SPOCK3: variants seen among roughly 807,000 people sequenced by gnomAD.
The protein encoded by SPOCK3 is SPARC (osteonectin), cwcv and kazal like domains proteoglycan 3.
A neutral mutation model predicts 56.6 loss-of-function variants in SPOCK3; 30 were observed. The ratio of observed to expected loss-of-function variants is 0.53; its 90% CI spans 0.40 to 0.72. The LOEUF is 0.72. Ranked by LOEUF, SPOCK3 falls within the 30% of genes least tolerant of loss-of-function variation. The pLI, the probability that SPOCK3 is intolerant of heterozygous loss-of-function variation, is 0.00. For synonymous variants in SPOCK3, 196 were observed against 183.3 expected (o/e 1.07, Z -0.56); for missense variants, 527 against 530.0 (o/e 0.99, Z 0.06).
At chr4:166,766,350 G>A (rs553392695) in intron 7 of SPOCK3, among the ~76,000 whole-genome samples, 1 of 152,132 alleles carries the variant, frequency 6.6e-6, no homozygotes, top group Non-Finnish European at 1.5e-5. Flanking sequence ...TTAATATTTT[G>A]AGATACATCC....
intron 3 of SPOCK3, among the ~76,000 whole-genome samples, chr4:167,018,592 T>C (rs770919886): frequency 6.6e-6 from 1 of 152,122 alleles, no homozygotes; most frequent in Non-Finnish European, 1.5e-5. Context: ...CATGCTACTT[T>C]TGTTTCTTTG....
intron 4 of SPOCK3, among the ~76,000 whole-genome samples, chr4:166,936,100 T>C (rs114570717): frequency 0.01 from 1,533 of 152,256 alleles, 31 homozygotes; most frequent in African/African-American, 0.035. Context: ...ATAAGTTTTA[T>C]TTCTTTTATT....
chr4:166,978,445 A>C (rs999311934), intron 4 of SPOCK3, among the ~76,000 whole-genome samples: 4 of 152,172 alleles, frequency 2.6e-5, no homozygotes, highest in African/African-American at 9.6e-5. Flanking sequence ...TGTTTGAACA[A>C]AATTTTAAGG....
chr4:167,116,705 C>T (rs1438818093), intron 2 of SPOCK3, among the ~76,000 whole-genome samples: 7 of 98,056 alleles, frequency 7.1e-5, no homozygotes, highest in African/African-American at 1.3e-4. Context: ...AGTATATATA[C>T]GTATATAGTA....
chr4:166,980,428 C>T (rs946569960), intron 4 of SPOCK3, among the ~76,000 whole-genome samples: 5 of 152,230 alleles, frequency 3.3e-5, no homozygotes, highest in Admixed American at 2.6e-4. Flanking sequence ...TTGGGTGTCA[C>T]TTTTCCAGCA....
intron 2 of SPOCK3, among the ~76,000 whole-genome samples, chr4:167,176,658 T>C (rs930603573): frequency 6.6e-6 from 1 of 152,060 alleles, no homozygotes; most frequent in African/African-American, 2.4e-5. Flanking sequence ...TCCCATTCAG[T>C]CTAGTCTACT....
intron 3 of SPOCK3, among the ~76,000 whole-genome samples, chr4:167,056,296 C>T (rs1197844431): frequency 2.0e-5 from 3 of 152,304 alleles, no homozygotes; most frequent in African/African-American, 2.4e-5. Context: ...ACATCACCAT[C>T]ATCAAAGACC....
At chr4:167,225,995 A>C (rs996142733) in intron 2 of SPOCK3, among the ~76,000 whole-genome samples, 3 of 152,160 alleles carry the variant, frequency 2.0e-5, no homozygotes, top group Admixed American at 6.6e-5. Flanking sequence ...ATCGGAGGAA[A>C]TACACCAGTA....
intron 4 of SPOCK3, among the ~76,000 whole-genome samples, chr4:166,946,341 T>C (rs1741744889): frequency 6.6e-6 from 1 of 152,162 alleles, no homozygotes; most frequent in Non-Finnish European, 1.5e-5. Flanking sequence ...TACAATGTCT[T>C]ACATAATCAG....
chr4:167,132,314 A>G (rs890384880), intron 2 of SPOCK3, among the ~76,000 whole-genome samples: 15 of 152,202 alleles, frequency 9.9e-5, no homozygotes, highest in African/African-American at 3.6e-4. Flanking sequence ...AACATTTCAT[A>G]TCAGAGACCA....
chr4:167,071,063 C>T (rs780636719), intron 2 of SPOCK3, among the ~76,000 whole-genome samples: 18 of 151,964 alleles, frequency 1.2e-4, no homozygotes, highest in Non-Finnish European at 1.8e-4. Flanking sequence ...AAGGACAGTG[C>T]CATTGGGACA....
At chr4:166,791,129 G>A (rs552963066) in intron 7 of SPOCK3, among the ~76,000 whole-genome samples, 41 of 152,182 alleles carry the variant, frequency 2.7e-4, no homozygotes, top group African/African-American at 8.4e-4. Context: ...TAGTCATTAC[G>A]CATTCAAAGA....
intron 6 of SPOCK3, among the ~76,000 whole-genome samples, chr4:166,882,285 T>G (rs1733758672): frequency 6.6e-6 from 1 of 152,160 alleles, no homozygotes; most frequent in Admixed American, 6.6e-5. Context: ...CATACAGATC[T>G]CAGGAAAAGA....
At chr4:166,917,747 C>T (rs541462762) in intron 4 of SPOCK3, among the ~76,000 whole-genome samples, 8 of 152,134 alleles carry the variant, frequency 5.3e-5, no homozygotes, top group Admixed American at 1.3e-4. Context: ...TCCCCTTCCC[C>T]CATGACTGTT....
Position 167,099,090 on chromosome 4 carries a change from G to A in SPOCK3, c.190-36553C>T, listed in dbSNP as rs558947985. Among the ~76,000 whole-genome samples, 12 of 152,012 alleles carry A rather than the reference G, an allele frequency of 7.9e-5. No homozygotes were observed. The South Asian group carries it at 2.5e-3, about 32-fold the overall frequency. On this transcript the variant is annotated intron_variant, in intron 2 of 10. Coordinates refer to ENST00000357545, the MANE Select transcript of SPOCK3 (RefSeq NM_001040159.2). ...ATAGGATGTGTAGAATCATTATGTA[G>A]TAAATGAATAAAAATATAATAGTTG...
chr4:166,912,721 G>A lies in SPOCK3; in HGVS notation c.373C>T (p.His125Tyr). Residue 125 changes from histidine to tyrosine, a missense_variant, in exon 5 of 11, where the codon CAT (histidine) becomes TAT (tyrosine). By Grantham distance (83) the His-to-Tyr change is moderately conservative (BLOSUM62 2). Coordinates refer to ENST00000357545, the MANE Select transcript of SPOCK3 (RefSeq NM_001040159.2). ...AATATGGGACCCCTCCACTGCCTATGGTCTACTCCTGCTTCTTTCATCCTG... is the reference window on the plus strand; with the variant it reads ...AATATGGGACCCCTCCACTGCCTATAGTCTACTCCTGCTTCTTTCATCCTG... The part of the protein sequence containing the change: ...THRMKEAGVD[H>Y]RQWRGPILST... 6.2e-7 allele frequency: 1 copy of A among 1,608,530 alleles called. No homozygotes were observed. The highest frequency in any genetic ancestry group is 8.5e-7 in the Non-Finnish European group (1 of 1,178,044).
intron 8 of SPOCK3, among the ~76,000 whole-genome samples, chr4:166,750,040 T>G (rs1195007617): frequency 6.6e-6 from 1 of 152,196 alleles, no homozygotes; most frequent in East Asian, 1.9e-4. Context: ...GAATTTTGAT[T>G]AGTAACCTCA....
At chr4:166,844,072 G>A (rs1020545468) in intron 6 of SPOCK3, among the ~76,000 whole-genome samples, 6 of 152,162 alleles carry the variant, frequency 3.9e-5, no homozygotes, top group East Asian at 3.9e-4. Flanking sequence ...AACAGAGTGC[G>A]GCTGAGCCAG....
At chr4:167,214,615 G>T (rs965351436) in intron 2 of SPOCK3, among the ~76,000 whole-genome samples, 4 of 152,014 alleles carry the variant, frequency 2.6e-5, no homozygotes, top group African/African-American at 9.7e-5. Flanking sequence ...TCTTAAAATA[G>T]ATGCTTTTCC....
Sources: allele counts gnomAD v4.1 joint callset (sites outside exome capture counted in the v4.1 genomes callset), GRCh38; gene constraint gnomAD v4.1.1; transcripts MANE v1.5; gene names NCBI Gene and HGNC (gene_info 2026-07-23, HGNC 2026-07-21).